The following HMGN5 variants were observed in gnomAD, a reference collection of about 807,000 sequenced individuals.
HMGN5 encodes the protein high mobility group nucleosome binding domain 5.
HMGN5 carries 4 observed loss-of-function variants against 9.5 expected under a neutral mutation model. The observed-to-expected ratio is 0.42, with a 90% CI of 0.21 to 0.96. The LOEUF (loss-of-function observed/expected upper bound fraction) is 0.96. Among genes scored for constraint, HMGN5 ranks in the 40% least tolerant of loss-of-function variants. The pLI, the probability that HMGN5 is intolerant of heterozygous loss-of-function variation, is 0.30. For missense variants in HMGN5, 192 were observed against 187.5 expected (o/e 1.02, Z -0.14); for synonymous variants, 55 against 57.1 (o/e 0.96, Z 0.16).
chrX:81,195,017 G>A (rs2075504021), intron 1 of HMGN5: 1 of 111,611 alleles, frequency 9.0e-6, no homozygotes, highest in Non-Finnish European at 1.9e-5. Flanking sequence ...TAGGATGTGG[G>A]GGGAAGATAG....
intron 1 of HMGN5, among the ~76,000 whole-genome samples, chrX:81,122,086 G>T (rs2075270795): frequency 8.9e-6 from 1 of 112,273 alleles, no homozygotes; most frequent in African/African-American, 3.2e-5. Flanking sequence ...TCTGGGCTCC[G>T]GTCTTTCCCT....
rs946994170 is a variant in HMGN5, at chrX:81,140,442, C to G, written c.-123-18770G>C. 2.8e-5 allele frequency among the ~76,000 whole-genome samples: 3 copies of G among 109,018 alleles called. No homozygotes were observed. In the Admixed American group the frequency reaches 2.9e-4, roughly 11 times the overall value. 94.7% of individuals were successfully genotyped at this position (109,018 alleles called of 115,157 possible). On this transcript the variant is annotated intron_variant, in intron 1 of 6. Transcript: ENST00000358130. ...AGGCATGGTGGCGGGCGCCTGTAGT[C>G]CCAGCTACTCGGGAGGCTGAGGCAG...
chrX:81,183,967 T>C (rs1000711339), intron 1 of HMGN5, among the ~76,000 whole-genome samples: 8 of 112,072 alleles, frequency 7.1e-5, no homozygotes, highest in African/African-American at 2.3e-4. Flanking sequence ...AATGAGACTT[T>C]GAAATTTGGA....
chrX:81,185,384 T>C (rs1437359967), intron 1 of HMGN5, among the ~76,000 whole-genome samples: 1 of 111,506 alleles, frequency 9.0e-6, no homozygotes, highest in Admixed American at 9.6e-5. Flanking sequence ...CTACTGCAAA[T>C]GGGGTTACTT....
At chrX:81,140,639 C>T (rs185890817) in intron 1 of HMGN5, among the ~76,000 whole-genome samples, 175 of 109,065 alleles carry the variant, frequency 1.6e-3, no homozygotes, top group Non-Finnish European at 2.9e-3. Context: ...CCCTTTGTCC[C>T]TAAACAACCA....
chrX:81,143,408 C>T (rs2075334761), intron 1 of HMGN5, among the ~76,000 whole-genome samples: 1 of 112,248 alleles, frequency 8.9e-6, no homozygotes, highest in Admixed American at 9.4e-5. Flanking sequence ...CAGCTCTTGT[C>T]TGCAGTTCCC....
chrX:81,171,110 T>C (rs180876594), intron 1 of HMGN5, among the ~76,000 whole-genome samples: 1 of 111,560 alleles, frequency 9.0e-6, no homozygotes, highest in African/African-American at 3.2e-5. Flanking sequence ...CTCAGGAGAA[T>C]GTGTTTTTAT....
At chrX:81,176,079 G>A (rs1049242040) in intron 1 of HMGN5, among the ~76,000 whole-genome samples, 14 of 111,479 alleles carry the variant, frequency 1.3e-4, no homozygotes, top group Non-Finnish European at 2.6e-4. Context: ...GCTTCCAGAG[G>A]AAGGATCAGC....
At chrX:81,183,521 T>C (rs764739355) in intron 1 of HMGN5, among the ~76,000 whole-genome samples, 1 of 112,724 alleles carries the variant, frequency 8.9e-6, no homozygotes, top group South Asian at 3.6e-4. Context: ...CCATAAGCCA[T>C]GGTGGCTTCC....
chrX:81,186,907 G>A (rs924304892), intron 1 of HMGN5, among the ~76,000 whole-genome samples: 27 of 111,066 alleles, frequency 2.4e-4, no homozygotes, highest in Admixed American at 8.6e-4. Flanking sequence ...TTACATTATC[G>A]TTTGTTTCAA....
intron 1 of HMGN5, among the ~76,000 whole-genome samples, chrX:81,196,062 T>C (rs1435234074): frequency 9.0e-6 from 1 of 111,259 alleles, no homozygotes; most frequent in Non-Finnish European, 1.9e-5. Flanking sequence ...TTCTTAAGCA[T>C]AACACTCTGT....
chrX:81,156,696 C>T lies in HMGN5; in HGVS notation c.-123-35024G>A, dbSNP rs758211944. On this transcript the variant is annotated intron_variant, in intron 1 of 6. Transcript: ENST00000358130. ...GGCAAGGATTTTTGTCTACTTTGCTCACCACTGTATCCCAAGGGCCTATCT... is the reference window on the plus strand; with the variant it reads ...GGCAAGGATTTTTGTCTACTTTGCTTACCACTGTATCCCAAGGGCCTATCT... 2.7e-5 allele frequency among the ~76,000 whole-genome samples: 3 copies of T among 111,542 alleles called. No homozygotes were observed. In the East Asian group the frequency reaches 8.5e-4, roughly 31 times the overall value.
intron 1 of HMGN5, among the ~76,000 whole-genome samples, chrX:81,162,377 AC>A (rs1406295643): frequency 9.2e-6 from 1 of 108,537 alleles, no homozygotes; most frequent in African/African-American, 3.4e-5. Flanking sequence ...AAAAAAAAAA[AC>A]CACTCAGCTG....
In HMGN5 at chrX:81,119,822, A is replaced by G; in HGVS notation, c.16-5T>C. 8.3e-7 allele frequency: 1 copy of G among 1,199,467 alleles called. No homozygotes were observed. Among genetic ancestry groups the G allele is most frequent in the Admixed American group, 2.2e-5 (1 of 46,014 alleles). ...CATATCACCTTGACCTGCAGCCTAC[A>G]CAGAGGAGAAAACCACACAGAAATA... On this transcript the variant is annotated splice_region_variant and splice_polypyrimidine_tract_variant and intron_variant, in intron 2 of 6. Coordinates refer to ENST00000358130, the MANE Select transcript of HMGN5 (RefSeq NM_030763.3).
intron 1 of HMGN5, among the ~76,000 whole-genome samples, chrX:81,122,900 C>T (rs955454553): frequency 2.7e-5 from 3 of 110,933 alleles, no homozygotes; most frequent in Non-Finnish European, 5.7e-5. Flanking sequence ...AATTCCCCAC[C>T]GCCCTTTCTC....
intron 1 of HMGN5, among the ~76,000 whole-genome samples, chrX:81,137,349 A>G (rs1053427693): frequency 2.7e-5 from 3 of 111,951 alleles, no homozygotes; most frequent in African/African-American, 9.7e-5. Flanking sequence ...ACCTCAATAC[A>G]TATAAAATAA....
Position 81,180,404 on chromosome X carries a change from C to A in HMGN5, c.-124+21333G>T, listed in dbSNP as rs770505306. ...AGTGGGCAAAGGATATGAACAGGCA[C>A]TTCTCAAAAGAAGACATTTATGCAG... On this transcript the variant is annotated intron_variant, in intron 1 of 6. Coordinates refer to ENST00000358130, the MANE Select transcript of HMGN5 (RefSeq NM_030763.3). Among the ~76,000 whole-genome samples the A allele has an allele frequency of 2.1e-4, 23 of 112,042 alleles. 1 individual carries two copies. Among genetic ancestry groups the A allele is most frequent in the Middle Eastern group, 9.2e-3 (2 of 218 alleles).
intron 1 of HMGN5, among the ~76,000 whole-genome samples, chrX:81,142,210 A>G (rs1300264238): frequency 8.9e-6 from 1 of 111,945 alleles, no homozygotes; most frequent in African/African-American, 3.2e-5. Flanking sequence ...CATCCTCAGG[A>G]TCTAGAAAAC....
At chrX:81,155,102 T>TATATATATATATATATATATATATATAC (rs1407923805) in intron 1 of HMGN5, among the ~76,000 whole-genome samples, 1 of 91,062 alleles carries the variant, frequency 1.1e-5, no homozygotes, top group African/African-American at 4.0e-5. Flanking sequence ...TATATATATA[T>TATATATATATATATATATATATATATAC]ACACACACAC....
Sources: allele counts gnomAD v4.1 joint callset (sites outside exome capture counted in the v4.1 genomes callset), GRCh38; gene constraint gnomAD v4.1.1; transcripts MANE v1.5; gene names NCBI Gene and HGNC (gene_info 2026-07-23, HGNC 2026-07-21).